Variants in CEP135 observed in about 807,000 individuals in gnomAD.
CEP135 encodes centrosomal protein of 135 kDa.
A neutral mutation model predicts 157.3 loss-of-function variants in CEP135; 142 were observed. The ratio of observed to expected loss-of-function variants is 0.90; its 90% confidence interval spans 0.79 to 1.04. The LOEUF is 1.04. CEP135 is among the 50% of genes least tolerant of loss of function. The probability of loss-of-function intolerance (pLI) is 0.00; values close to 1 mark genes in which losing one functional copy is unlikely to be tolerated. For missense variants in CEP135, 1,317 were observed against 1,309.2 expected (o/e 1.01, Z -0.09); for synonymous variants, 396 against 439.8 (o/e 0.90, Z 1.25).
intron 25 of CEP135, among the ~76,000 whole-genome samples, chr4:56,029,156 G>C (rs1731252980): frequency 6.6e-6 from 1 of 152,206 alleles, no homozygotes. Flanking sequence ...GCAGCTCAAA[G>C]CTTCTGTGCC....
rs1356228982 is a variant in CEP135, at chr4:56,018,831, T to C, written c.3013-522T>C. Among the ~76,000 whole-genome samples the C allele has an allele frequency of 2.6e-5, 4 of 152,290 alleles. No individual in the cohort carries two copies. The South Asian group carries it at 8.3e-4, about 32-fold the overall frequency. On this transcript the variant is annotated intron_variant, in intron 22 of 25. Coordinates refer to ENST00000257287, the MANE Select transcript of CEP135 (RefSeq NM_025009.5). ...TTCCGAAGTAGAATATTTTTCCCGA[T>C]AAAAATCTCAAGGTGTTTAAATCTT...
intron 6 of CEP135, among the ~76,000 whole-genome samples, chr4:55,963,105 C>T (rs1728734699): frequency 1.3e-5 from 2 of 152,166 alleles, no homozygotes; most frequent in Admixed American, 1.3e-4. Flanking sequence ...CTTTCTCTTG[C>T]CTTCGCATAC....
intron 14 of CEP135, among the ~76,000 whole-genome samples, chr4:55,987,270 C>T (rs983232498): frequency 1.4e-4 from 22 of 152,036 alleles, no homozygotes; most frequent in African/African-American, 4.1e-4. Flanking sequence ...CTAATTTGTT[C>T]GTGGTTCTTT....
chr4:56,028,335 A>G (rs1287932396), intron 25 of CEP135, among the ~76,000 whole-genome samples: 2 of 152,182 alleles, frequency 1.3e-5, no homozygotes, highest in African/African-American at 4.8e-5. Context: ...TATTTCCACC[A>G]GCAATGCATG....
intron 1 of CEP135, among the ~76,000 whole-genome samples, chr4:55,950,976 A>G (rs984684916): frequency 6.6e-6 from 1 of 152,170 alleles, no homozygotes; most frequent in African/African-American, 2.4e-5. Flanking sequence ...TTCTGGCCCC[A>G]TAGTTTTAAT....
chr4:56,016,076 G>A (rs776648009), intron 21 of CEP135, among the ~76,000 whole-genome samples: 28 of 152,150 alleles, frequency 1.8e-4, no homozygotes, highest in Non-Finnish European at 3.5e-4. Flanking sequence ...AAAGATGAGG[G>A]AAATTTAGAT....
rs747722303 is a variant in CEP135, at chr4:55,959,746, G to T, written c.679G>T (p.Val227Leu). ...QEKLAMMESGVRDYSKQIELR... is the reference protein window; with the variant it reads ...QEKLAMMESGLRDYSKQIELR... Reference sequence around the variant, plus strand: ...AAAGTTAGCAATGATGGAAAGTGGGGTGAGAGACTATAGCAAGCAGGTAGG... The same window carrying T: ...AAAGTTAGCAATGATGGAAAGTGGGTTGAGAGACTATAGCAAGCAGGTAGG... Residue 227 changes from valine to leucine, a missense_variant, in exon 6 of 26, where the codon GTG becomes TTG. By Grantham distance (32) the Val-to-Leu change is conservative. Coordinates refer to ENST00000257287, the MANE Select transcript of CEP135 (RefSeq NM_025009.5). 1.9e-6 allele frequency: 3 copies of T among 1,613,952 alleles called. No homozygotes were observed. Among genetic ancestry groups the T allele is most frequent in the Non-Finnish European group, 1.7e-6 (2 of 1,179,834 alleles).
intron 11 of CEP135, among the ~76,000 whole-genome samples, chr4:55,975,589 G>C (rs907092001): frequency 6.6e-6 from 1 of 152,214 alleles, no homozygotes; most frequent in Non-Finnish European, 1.5e-5. Flanking sequence ...ATTCATGAGA[G>C]ATTAAAATCA....
chr4:55,983,638 CT>C (rs11356001), intron 13 of CEP135, among the ~76,000 whole-genome samples: 37,644 of 146,780 alleles, frequency 0.26, 6,419 homozygotes, highest in African/African-American at 0.47. Context: ...ACAATAGCCT[CT>C]TTTTTTTTTT....
chr4:56,026,073 G>A (rs933098014), intron 25 of CEP135, among the ~76,000 whole-genome samples: 2 of 152,136 alleles, frequency 1.3e-5, no homozygotes, highest in African/African-American at 4.8e-5. Context: ...GCTGGGCATG[G>A]TGGCACGCAC....
At chr4:55,968,380 T>C (rs1728910503) in intron 8 of CEP135, among the ~76,000 whole-genome samples, 1 of 151,810 alleles carries the variant, frequency 6.6e-6, no homozygotes, top group African/African-American at 2.4e-5. Flanking sequence ...TGGTGTTTTT[T>C]TTTTTTTTTT....
At chr4:55,994,314 A>G (rs879225368) in intron 15 of CEP135, among the ~76,000 whole-genome samples, 1 of 152,200 alleles carries the variant, frequency 6.6e-6, no homozygotes, top group Non-Finnish European at 1.5e-5. Flanking sequence ...TGGGAGGCCA[A>G]GGTGAGAGGA....
chr4:56,028,269 T>C (rs1237760764), intron 25 of CEP135, among the ~76,000 whole-genome samples: 5 of 152,178 alleles, frequency 3.3e-5, no homozygotes. Context: ...ATATGGTAAT[T>C]CTGTTAAACT....
intron 6 of CEP135, among the ~76,000 whole-genome samples, chr4:55,962,972 CTT>C (rs1728730946): frequency 6.6e-6 from 1 of 152,064 alleles, no homozygotes; most frequent in Non-Finnish European, 1.5e-5. Context: ...TGGGTGGAGT[CTT>C]TTTGTACTCA....
intron 1 of CEP135, among the ~76,000 whole-genome samples, chr4:55,950,091 GTCTC>G (rs10538968): frequency 0.028 from 4,231 of 152,234 alleles, 198 homozygotes; most frequent in African/African-American, 0.095. Context: ...TCACTTAGGT[GTCTC>G]TTGTGGAAAG....
intron 15 of CEP135, among the ~76,000 whole-genome samples, chr4:55,993,148 C>T (rs1309645398): frequency 6.6e-6 from 1 of 151,988 alleles, no homozygotes; most frequent in Non-Finnish European, 1.5e-5. Context: ...TGGATATTGG[C>T]AGAAAACTGA....
In CEP135 at chr4:56,031,898, G is replaced by A. The variant is rs1031202156; in HGVS notation, c.*550G>A. The A allele has an allele frequency of 3.3e-5, 5 of 152,140 alleles. No individual in the cohort carries two copies. The highest frequency in any genetic ancestry group is 2.6e-4 in the Admixed American group (4 of 15,274). 9.4% of individuals were successfully genotyped at this position (152,140 alleles called of 1,614,324 possible). ...ATTCAGGTCTAGTCTTCTTATAATA[G>A]CAGAGGTCTTGGTAAAATAACTACC... On this transcript the variant is annotated 3_prime_UTR_variant, in exon 26 of 26. Coordinates refer to ENST00000257287, the MANE Select transcript of CEP135 (RefSeq NM_025009.5).
At position 55,987,046 on chromosome 4, in the gene CEP135, T is replaced by C. The variant is rs1175080434; in HGVS notation, c.1857+1688T>C. On this transcript the variant is annotated intron_variant, in intron 14 of 25. Transcript: ENST00000257287. ...GGTTTGTTCTGGGATGCAGTTAAAT[T>C]ATATGGAAGTAGCCTGATCCTTTTC... Among the ~76,000 whole-genome samples the C allele has an allele frequency of 2.0e-5, 3 of 152,238 alleles. No individual in the cohort carries two copies. In the East Asian group the frequency reaches 5.8e-4, roughly 29 times the overall value.
chr4:55,953,702 G>A (rs1016503841), intron 3 of CEP135, among the ~76,000 whole-genome samples: 1 of 152,070 alleles, frequency 6.6e-6, no homozygotes, highest in Non-Finnish European at 1.5e-5. Flanking sequence ...AATATTAAAT[G>A]CTGGATTTGA....
Sources: allele counts gnomAD v4.1 joint callset (sites outside exome capture counted in the v4.1 genomes callset), GRCh38; gene constraint gnomAD v4.1.1; transcripts MANE v1.5; gene names NCBI Gene and HGNC (gene_info 2026-07-23, HGNC 2026-07-21).